Variants in KCNIP1 observed in about 807,000 individuals in gnomAD.
KCNIP1 encodes A-type potassium channel modulatory protein KCNIP1.
A neutral mutation model predicts 33.0 loss-of-function variants in KCNIP1; 18 were observed. That is an observed-to-expected ratio of 0.55 (90% CI 0.38 to 0.81). The LOEUF (loss-of-function observed/expected upper bound fraction) is 0.81. Among genes scored for constraint, KCNIP1 ranks in the 30% least tolerant of loss-of-function variants. The pLI is 0.00. For synonymous variants in KCNIP1, 93 were observed against 98.3 expected (o/e 0.95, Z 0.32); for missense variants, 238 against 271.6 (o/e 0.88, Z 0.87).
At chr5:170,728,266 A>T (rs1033426750) in intron 5 of KCNIP1, among the ~76,000 whole-genome samples, 6 of 152,242 alleles carry the variant, frequency 3.9e-5, no homozygotes, top group Non-Finnish European at 5.9e-5. Flanking sequence ...GATGATGAAG[A>T]AAAGATGAGG....
At chr5:170,383,335 A>C (rs952294069) in intron 1 of KCNIP1, 16 of 567,544 alleles carry the variant, frequency 2.8e-5, no homozygotes, top group Non-Finnish European at 4.7e-5. Flanking sequence ...TTGAGTGCCC[A>C]CTATCCACTC....
At chr5:170,369,969 G>T (rs2113305261) in intron 1 of KCNIP1, among the ~76,000 whole-genome samples, 1 of 152,252 alleles carries the variant, frequency 6.6e-6, no homozygotes, top group South Asian at 2.1e-4. Context: ...CGGCCTCTGT[G>T]GGTAGGACCC....
chr5:170,704,803 G>T (rs1763203226), intron 1 of KCNIP1, among the ~76,000 whole-genome samples: 1 of 152,132 alleles, frequency 6.6e-6, no homozygotes. Context: ...GCAGGATAGA[G>T]CCCCCTCCCC....
At chr5:170,502,228 T>G (rs1280653442), upstream of KCNIP1, among the ~76,000 whole-genome samples, 1 of 152,184 alleles carries the variant, frequency 6.6e-6, no homozygotes, top group Non-Finnish European at 1.5e-5. Context: ...TGCACAGCAG[T>G]GGGCAATGCA....
intron 1 of KCNIP1, chr5:170,389,316 C>T (rs1581141012): frequency 2.6e-5 from 4 of 152,056 alleles, no homozygotes; most frequent in African/African-American, 9.7e-5. Context: ...TGCCTGGACC[C>T]CCGCCCCCAC....
intron 1 of KCNIP1, among the ~76,000 whole-genome samples, chr5:170,716,988 C>T (rs1459638588): frequency 2.0e-5 from 3 of 152,224 alleles, no homozygotes. Context: ...CTCCTTTCTT[C>T]ACTCAAGCCA....
chr5:170,375,674 A>G (rs1763971171), intron 1 of KCNIP1: 1 of 152,492 alleles, frequency 6.6e-6, no homozygotes, highest in Non-Finnish European at 1.5e-5. Flanking sequence ...AGGTACTGGA[A>G]CACACAGCTC....
At chr5:170,676,416 A>T (rs1370292339) in intron 1 of KCNIP1, among the ~76,000 whole-genome samples, 1 of 152,216 alleles carries the variant, frequency 6.6e-6, no homozygotes, top group Admixed American at 6.5e-5. Context: ...TCTCTGAACC[A>T]TAACCATCTT....
At chr5:170,730,342 C>T (rs1416204706) in intron 5 of KCNIP1, among the ~76,000 whole-genome samples, 1 of 152,128 alleles carries the variant, frequency 6.6e-6, no homozygotes, top group Non-Finnish European at 1.5e-5. Flanking sequence ...AGAATTCTCC[C>T]CATTAATCTA....
chr5:170,582,363 A>G (rs958106122), intron 1 of KCNIP1, among the ~76,000 whole-genome samples: 1 of 152,228 alleles, frequency 6.6e-6, no homozygotes, highest in Non-Finnish European at 1.5e-5. Context: ...AAAATGAGAG[A>G]TAATGACTCT....
intron 1 of KCNIP1, among the ~76,000 whole-genome samples, chr5:170,466,930 C>T (rs1484287749): frequency 1.3e-5 from 2 of 152,126 alleles, no homozygotes; most frequent in Non-Finnish European, 2.9e-5. Context: ...GAAAATCATA[C>T]AAGGATGATT....
At chr5:170,571,229 G>C (rs1224018692) in intron 1 of KCNIP1, among the ~76,000 whole-genome samples, 1 of 152,014 alleles carries the variant, frequency 6.6e-6, no homozygotes, top group East Asian at 1.9e-4. Flanking sequence ...CTGTCCTCTG[G>C]CTACTGGGAT....
intron 1 of KCNIP1, among the ~76,000 whole-genome samples, chr5:170,467,698 A>G (rs1459106354): frequency 1.3e-5 from 2 of 152,094 alleles, no homozygotes; most frequent in Non-Finnish European, 2.9e-5. Flanking sequence ...CGGGTGGATC[A>G]CCTGAGGTCA....
At position 170,489,693 on chromosome 5, in the gene KCNIP1, T is replaced by C. The variant is rs779294862; in HGVS notation, c.88+135729T>C. Among the ~76,000 whole-genome samples, 3 of 152,090 alleles carry C rather than the reference T, an allele frequency of 2.0e-5. No homozygotes were observed. The highest frequency in any genetic ancestry group is 4.4e-5 in the Non-Finnish European group (3 of 68,002). ...CTCATACTCCTCTCCCATGAACAAT[T>C]TGAGAAAAAATGGAGGCTCAGGGCA... On this transcript the variant is annotated intron_variant, in intron 1 of 7. Coordinates refer to the KCNIP1 transcript ENST00000377360. The surrounding 1 kb of genome is among the most constrained non-coding windows in gnomAD (Gnocchi z 4.3).
intron 1 of KCNIP1, among the ~76,000 whole-genome samples, chr5:170,694,815 C>A (rs1762837705): frequency 6.6e-6 from 1 of 152,072 alleles, no homozygotes; most frequent in Admixed American, 6.5e-5. Context: ...TAGGTGTTAC[C>A]CATGTGACAA....
intron 1 of KCNIP1, among the ~76,000 whole-genome samples, chr5:170,382,220 A>T (rs1472172069): frequency 3.9e-5 from 6 of 152,136 alleles, no homozygotes; most frequent in African/African-American, 1.4e-4. Context: ...TGCCCTAAAG[A>T]TTCCCATTGC....
intron 1 of KCNIP1, among the ~76,000 whole-genome samples, chr5:170,707,711 A>G (rs529599650): frequency 2.5e-4 from 38 of 152,322 alleles, no homozygotes; most frequent in African/African-American, 8.9e-4. Flanking sequence ...GTCTACTGAA[A>G]TACACTAAAT....
At chr5:170,423,567 A>T (rs761717338) in intron 1 of KCNIP1, among the ~76,000 whole-genome samples, 2 of 152,206 alleles carry the variant, frequency 1.3e-5, no homozygotes, top group Non-Finnish European at 2.9e-5. Flanking sequence ...TTGTTTCAAA[A>T]CAAAACCAAA....
intron 1 of KCNIP1, among the ~76,000 whole-genome samples, chr5:170,578,082 T>C (rs1284424170): frequency 6.6e-6 from 1 of 152,188 alleles, no homozygotes; most frequent in African/African-American, 2.4e-5. Context: ...AACAAACATG[T>C]CTTGAGTGCC....
Sources: allele counts gnomAD v4.1 joint callset (sites outside exome capture counted in the v4.1 genomes callset), GRCh38; gene constraint gnomAD v4.1.1; non-coding constraint Gnocchi (gnomAD v3.1); transcripts MANE v1.5; gene names NCBI Gene and HGNC (gene_info 2026-07-23, HGNC 2026-07-21).